Variants in KDSR observed in about 807,000 individuals in gnomAD.
KDSR encodes the protein 3-ketodihydrosphingosine reductase.
KDSR carries 23 observed loss-of-function variants against 41.3 expected under a neutral mutation model. The observed-to-expected ratio is 0.56, with a 90% CI of 0.40 to 0.79. The LOEUF (loss-of-function observed/expected upper bound fraction) is 0.79, where lower values mean the gene tolerates loss of function less well. Ranked by LOEUF, KDSR falls within the 30% of genes least tolerant of loss-of-function variation. The pLI is 0.00. For missense variants in KDSR, 351 were observed against 416.8 expected, an observed-to-expected ratio of 0.84 and a Z score of 1.37; for synonymous variants, 138 against 151.7, an observed-to-expected ratio of 0.91 and a Z score of 0.66.
At chr18:63,337,089 TG>T (rs1914185289) in intron 8 of KDSR, among the ~76,000 whole-genome samples, 5 of 38,802 alleles carry the variant, frequency 1.3e-4, no homozygotes, top group African/African-American at 2.7e-4. Context: ...TATATATATG[TG>T]ACTTTATATA....
intron 6 of KDSR, among the ~76,000 whole-genome samples, chr18:63,347,260 T>C (rs1486185702): frequency 2.0e-5 from 3 of 152,034 alleles, no homozygotes; most frequent in African/African-American, 4.8e-5. Context: ...TCCCAGCACT[T>C]TGGGAGGCCG....
intron 3 of KDSR, among the ~76,000 whole-genome samples, chr18:63,357,019 G>A (rs780432362): frequency 6.6e-6 from 1 of 152,116 alleles, no homozygotes; most frequent in Admixed American, 6.5e-5. Context: ...GGGACCTGAC[G>A]GAATAAGCTC....
At chr18:63,351,253 G>C (rs941638527) in intron 5 of KDSR, among the ~76,000 whole-genome samples, 174 bp from the exon 6 acceptor site, 1 of 152,068 alleles carries the variant, frequency 6.6e-6, no homozygotes, top group Non-Finnish European at 1.5e-5. Flanking sequence ...AATGTGATTT[G>C]AGACCTAGCA....
intron 6 of KDSR, among the ~76,000 whole-genome samples, chr18:63,348,663 A>C (rs1384579124): frequency 6.6e-6 from 1 of 152,132 alleles, no homozygotes; most frequent in Non-Finnish European, 1.5e-5. Context: ...CACTTGTCAC[A>C]GAGGTTGGGG....
rs1024087291 is a variant in KDSR, at chr18:63,331,194, A to C, written c.*588T>G. On this transcript the variant is annotated 3_prime_UTR_variant, in exon 10 of 10. Coordinates refer to ENST00000645214, the MANE Select transcript of KDSR (RefSeq NM_002035.4). The stretch of plus-strand genomic sequence containing the variant: ...GCAGAGTGAGTCCTGAGCACAACAC[A>C]GGGCTGTCAGTGACATTCAGACTCA... The C allele has an allele frequency of 4.3e-6, 1 of 233,014 alleles. No homozygotes were observed. Among genetic ancestry groups the C allele is most frequent in the African/African-American group, 2.2e-5 (1 of 45,310 alleles). The allele number at this position is 233,014 out of a possible 1,614,324, so 14.4% of individuals were successfully genotyped here.
intron 9 of KDSR, among the ~76,000 whole-genome samples, chr18:63,334,938 C>T (rs1914112973): frequency 6.6e-6 from 1 of 152,150 alleles, no homozygotes; most frequent in African/African-American, 2.4e-5. Flanking sequence ...AGGAGTATTC[C>T]ATTTTCAAAA....
At chr18:63,352,244 A>T (rs1914678673) in intron 5 of KDSR, among the ~76,000 whole-genome samples, 1 of 152,196 alleles carries the variant, frequency 6.6e-6, no homozygotes, top group Admixed American at 6.5e-5. Flanking sequence ...TTTTTTTCAT[A>T]TTATGAACAG....
intron 8 of KDSR, 121 bp from the exon 9 acceptor site, chr18:63,335,479 A>G (rs1225854850): frequency 1.5e-6 from 1 of 685,968 alleles, no homozygotes; most frequent in Admixed American, 2.3e-5. Flanking sequence ...ATGGTCACAA[A>G]GCATTGATCA....
At position 63,328,447 on chromosome 18, in the gene KDSR, G is replaced by C. The variant is rs766204707; in HGVS notation, c.*3335C>G. On this transcript the variant is annotated 3_prime_UTR_variant, in exon 10 of 10. Transcript: ENST00000645214. ...GGCTCACTGCAACCTCTGCCTCCTG[G>C]GTTCAAGCGATTCTCCTGCCTCAGC... The C allele has an allele frequency of 1.9e-5, 3 of 155,396 alleles. No individual in the cohort carries two copies. The highest frequency in any genetic ancestry group is 2.9e-5 in the Non-Finnish European group (2 of 70,150). The allele number at this position is 155,396 out of a possible 1,614,324, so 9.6% of individuals were successfully genotyped here.
At chr18:63,344,678 A>C in intron 6 of KDSR, 185 bp from the exon 7 acceptor site, 1 of 508,478 alleles carries the variant, frequency 2.0e-6, no homozygotes, top group South Asian at 3.1e-5. Context: ...GAATGTAGGC[A>C]AAAAGCTCAC....
chr18:63,359,354 AT>A (rs1007128566), intron 3 of KDSR, among the ~76,000 whole-genome samples: 1 of 152,086 alleles, frequency 6.6e-6, no homozygotes, highest in Non-Finnish European at 1.5e-5. Flanking sequence ...TGGGTGTGTG[AT>A]TATTAATTTG....
chr18:63,351,653 C>A (rs1914664708), intron 5 of KDSR, among the ~76,000 whole-genome samples: 1 of 152,250 alleles, frequency 6.6e-6, no homozygotes, highest in African/African-American at 2.4e-5. Flanking sequence ...AGAGAAAACA[C>A]AAGCGCTAGC....
chr18:63,349,901 T>C (rs1300037008), intron 6 of KDSR, among the ~76,000 whole-genome samples: 1 of 152,262 alleles, frequency 6.6e-6, no homozygotes, highest in Non-Finnish European at 1.5e-5. Flanking sequence ...TTAGGCACCA[T>C]TCAGCCTTTA....
chr18:63,332,521 T>A (rs1013654952), intron 9 of KDSR, among the ~76,000 whole-genome samples: 1 of 151,912 alleles, frequency 6.6e-6, no homozygotes, highest in Non-Finnish European at 1.5e-5. Context: ...TAGGCATGAG[T>A]CCCCGTGCAT....
At position 63,343,174 on chromosome 18, in the gene KDSR, T is replaced by C. The variant is rs148167126; in HGVS notation, c.693+1236A>G. Among the ~76,000 whole-genome samples, 967 of 152,250 alleles carry C rather than the reference T, an allele frequency of 6.4e-3. 3 individuals are homozygous for C. Among genetic ancestry groups the C allele is most frequent in the South Asian group, 0.016 (78 of 4,822 alleles). On this transcript the variant is annotated intron_variant, in intron 7 of 9. Coordinates refer to ENST00000645214, the MANE Select transcript of KDSR (RefSeq NM_002035.4). ...TATTTATAGTAATGCAAGAACGGAC[T>C]AATACACTATCCTTCCACCTTAGCC...
chr18:63,337,332 T>C (rs1599323181), intron 8 of KDSR, among the ~76,000 whole-genome samples: 1 of 152,008 alleles, frequency 6.6e-6, no homozygotes, highest in South Asian at 2.1e-4. Context: ...GTCAGGCTGG[T>C]ATTGAACTCC....
In KDSR at chr18:63,343,745, T is replaced by TAAAA. The variant is rs35026156; in HGVS notation, c.693+661_693+664dup. 6.9e-5 allele frequency among the ~76,000 whole-genome samples: 10 copies of TAAAA among 143,984 alleles called. 1 individual carries two copies. The highest frequency in any genetic ancestry group is 2.5e-4 in the African/African-American group (10 of 39,236). The allele number at this position is 143,984 out of a possible 152,430, so 94.5% of individuals were successfully genotyped here. The stretch of plus-strand genomic sequence containing the variant: ...AAGTCAATAAATAATTTCTAAATCT[T>TAAAA]AAAAAAAAAAAAAGCAGTATAAACA... On this transcript the variant is annotated intron_variant, in intron 7 of 9. Coordinates refer to ENST00000645214, the MANE Select transcript of KDSR (RefSeq NM_002035.4).
intron 5 of KDSR, among the ~76,000 whole-genome samples, chr18:63,351,808 G>A (rs1353100680): frequency 6.6e-6 from 1 of 151,806 alleles, no homozygotes; most frequent in African/African-American, 2.4e-5. Context: ...TTTAGAGACG[G>A]GGTCTCACTC....
In KDSR at chr18:63,331,799, C is replaced by A; in HGVS notation, c.982G>T (p.Ala328Ser). ...TAAGAAGATTAGGCAGTTTTGTCTG[C>A]ATTTTCAGATTTTTCTCTCTGCATC... The part of the protein sequence containing the change: ...CMMQREKSEN[A>S]DKTA Residue 328 changes from alanine (A) to serine (S), a missense_variant, in exon 10 of 10, where the codon GCA becomes TCA. By Grantham distance (99) the Ala-to-Ser change is moderately conservative. Coordinates refer to ENST00000645214, the MANE Select transcript of KDSR (RefSeq NM_002035.4). The A allele has an allele frequency of 2.5e-6, 4 of 1,613,826 alleles. No individual in the cohort carries two copies. Among genetic ancestry groups the A allele is most frequent in the Non-Finnish European group, 2.5e-6 (3 of 1,179,886 alleles).
Sources: gnomAD v4.1 joint callset for allele counts (sites outside exome capture counted in the v4.1 genomes callset) on GRCh38, gnomAD v4.1.1 for gene constraint, MANE v1.5 for transcripts, NCBI Gene and HGNC (gene_info 2026-07-23, HGNC 2026-07-21) for gene names.